Variants in ATRNL1 observed in about 807,000 individuals in gnomAD.
ATRNL1 encodes attractin-like protein 1.
A neutral mutation model predicts 182.7 loss-of-function variants in ATRNL1; 95 were observed. The observed-to-expected ratio is 0.52, with a 90% CI of 0.44 to 0.62. ATRNL1 has a LOEUF of 0.62. Among genes scored for constraint, ATRNL1 ranks in the 20% least tolerant of loss-of-function variants. The pLI, the probability that ATRNL1 is intolerant of heterozygous loss-of-function variation, is 0.00. For synonymous variants in ATRNL1, 576 were observed against 568.3 expected (o/e 1.01, Z -0.19); for missense variants, 1,471 against 1,679.5 (o/e 0.88, Z 2.17).
At chr10:115,642,008 A>G (rs1859276368) in intron 26 of ATRNL1, among the ~76,000 whole-genome samples, 1 of 152,124 alleles carries the variant, frequency 6.6e-6, no homozygotes, top group African/African-American at 2.4e-5. Context: ...AGCTGGCACT[A>G]TTATAAAATA....
At chr10:115,591,594 A>G (rs1473877605) in intron 26 of ATRNL1, among the ~76,000 whole-genome samples, 1 of 152,232 alleles carries the variant, frequency 6.6e-6, no homozygotes, top group Admixed American at 6.5e-5. Flanking sequence ...ATTTTTGTTC[A>G]GGAAGCTCTG....
At chr10:115,387,685 T>A (rs1477423177) in intron 19 of ATRNL1, among the ~76,000 whole-genome samples, 1 of 152,240 alleles carries the variant, frequency 6.6e-6, no homozygotes, top group African/African-American at 2.4e-5. Context: ...TTGAATCATG[T>A]AATATGTAAT....
intron 25 of ATRNL1, among the ~76,000 whole-genome samples, chr10:115,544,149 A>G (rs1348036834): frequency 3.9e-5 from 6 of 152,152 alleles, no homozygotes; most frequent in African/African-American, 1.2e-4. Context: ...CACAGTACCA[A>G]ATTAAAACAT....
intron 8 of ATRNL1, among the ~76,000 whole-genome samples, chr10:115,194,609 C>T (rs757122649): frequency 6.6e-6 from 1 of 151,484 alleles, no homozygotes; most frequent in Non-Finnish European, 1.5e-5. Context: ...AGTGTTTCTT[C>T]TAGGCAGCAT....
At chr10:115,336,582 G>A (rs1043826958) in intron 19 of ATRNL1, among the ~76,000 whole-genome samples, 3 of 152,250 alleles carry the variant, frequency 2.0e-5, no homozygotes, top group East Asian at 1.9e-4. Flanking sequence ...TACAATTTGT[G>A]TGTCTCTGTA....
At chr10:115,378,615 G>C (rs75876128) in intron 19 of ATRNL1, among the ~76,000 whole-genome samples, 4 of 152,110 alleles carry the variant, frequency 2.6e-5, no homozygotes, top group African/African-American at 9.7e-5. Context: ...TTGTTTCTAG[G>C]CCACAGCAGA....
At chr10:115,497,790 T>C (rs1554978816) in intron 24 of ATRNL1, among the ~76,000 whole-genome samples, 1 of 152,044 alleles carries the variant, frequency 6.6e-6, no homozygotes, top group Non-Finnish European at 1.5e-5. Flanking sequence ...CCCGAGTAGC[T>C]GTGATTAGGG....
rs190675006 is a variant in ATRNL1 at position 115,301,971 on chromosome 10, G to A, written c.2746G>A (p.Val916Ile). ...CMWCSSTKRC[V>I]DSNAYIISFP... ...GTGGTGCAGCAGTACGAAACGATGT[G>A]TTGACTCTAATGCCTATATCATCTC... The change falls in exon 17 of 29, where the codon GTT becomes ATT. Residue 916 changes from valine (V) to isoleucine (I), a missense_variant. Around this residue, in one of 3 missense-constraint regions of ATRNL1, gnomAD observed 1,031 missense variants for 1,156.0 expected, o/e 0.89. Coordinates refer to ENST00000355044, the MANE Select transcript of ATRNL1 (RefSeq NM_207303.4). The A allele has an allele frequency of 6.2e-7, 1 of 1,614,098 alleles. No individual in the cohort carries two copies. Among genetic ancestry groups the A allele is most frequent in the Admixed American group, 1.7e-5 (1 of 60,008 alleles).
chr10:115,672,886 C>CT (rs1308802114), intron 26 of ATRNL1, among the ~76,000 whole-genome samples: 1 of 152,078 alleles, frequency 6.6e-6, no homozygotes, highest in African/African-American at 2.4e-5. Flanking sequence ...ATAACTATTT[C>CT]TTCAGTGTAT....
chr10:115,325,606 C>A, intron 18 of ATRNL1, among the ~76,000 whole-genome samples: 1 of 152,146 alleles, frequency 6.6e-6, no homozygotes, highest in African/African-American at 2.4e-5. Flanking sequence ...TTTATACTTT[C>A]CACCAGATGG....
At chr10:115,685,026 T>C (rs1555045922) in intron 26 of ATRNL1, among the ~76,000 whole-genome samples, 2 of 151,758 alleles carry the variant, frequency 1.3e-5, no homozygotes, top group Non-Finnish European at 3.0e-5. Context: ...TTGGAGTACA[T>C]CAGCCATTTC....
At chr10:115,732,361 A>G (rs1223967694) in intron 27 of ATRNL1, among the ~76,000 whole-genome samples, 1 of 152,298 alleles carries the variant, frequency 6.6e-6, no homozygotes, top group East Asian at 1.9e-4. Flanking sequence ...ACAGTACCAC[A>G]CTATCTTGAT....
chr10:115,460,771 T>A (rs1554969564), intron 21 of ATRNL1, among the ~76,000 whole-genome samples: 3 of 152,182 alleles, frequency 2.0e-5, no homozygotes, highest in African/African-American at 7.2e-5. Context: ...CTTCACTGGT[T>A]TATTCTTCTC....
chr10:115,352,806 A>C lies in ATRNL1; in HGVS notation c.3175+18387A>C, dbSNP rs185567271. 4.5e-3 allele frequency among the ~76,000 whole-genome samples: 685 copies of C among 152,264 alleles called. 5 individuals are homozygous for C. The highest frequency in any genetic ancestry group is 8.0e-3 in the Non-Finnish European group (545 of 68,016). ...TCCCAGCTACTCGGGAGGCTGAGGC[A>C]GGAGAATCACTTAAACCTGGGAGGT... is the stretch of plus-strand genomic sequence containing the variant. On this transcript the variant is annotated intron_variant, in intron 19 of 28. Transcript: ENST00000355044.
At chr10:115,153,016 C>T (rs970616070) in intron 5 of ATRNL1, among the ~76,000 whole-genome samples, 26 of 152,088 alleles carry the variant, frequency 1.7e-4, no homozygotes, top group East Asian at 5.8e-4. Context: ...TGCTGGATTA[C>T]GCTTATTGAT....
chr10:115,662,432 A>T (rs10159493), intron 26 of ATRNL1, among the ~76,000 whole-genome samples: 1,771 of 152,136 alleles, frequency 0.012, 36 homozygotes, highest in African/African-American at 0.04. Context: ...AACTAGAAAT[A>T]CCATTTGACC....
In ATRNL1 at chr10:115,334,422, A is replaced by C. The variant is rs782125233; in HGVS notation, c.3175+3A>C. The stretch of plus-strand genomic sequence containing the variant: ...AACCAATGGTGGACAGTGCACAGGT[A>C]AGTTTCTTTTAAGCAAATTTTGGTG... On this transcript the variant is annotated splice_donor_region_variant and intron_variant, in intron 19 of 28. Transcript: ENST00000355044. 2.6e-5 allele frequency: 39 copies of C among 1,522,088 alleles called. No homozygotes were observed. The highest frequency in any genetic ancestry group is 1.9e-5 in the Non-Finnish European group (21 of 1,127,096). The allele number at this position is 1,522,088 out of a possible 1,614,324, so 94.3% of individuals were successfully genotyped here.
intron 28 of ATRNL1, among the ~76,000 whole-genome samples, chr10:115,932,197 C>A (rs1555121802): frequency 6.6e-6 from 1 of 152,180 alleles, no homozygotes; most frequent in Non-Finnish European, 1.5e-5. Context: ...TTCAGAGAAT[C>A]CTCTGTTAGA....
intron 26 of ATRNL1, among the ~76,000 whole-genome samples, chr10:115,723,970 C>T (rs1438009747): frequency 1.3e-5 from 2 of 152,102 alleles, no homozygotes; most frequent in Non-Finnish European, 2.9e-5. Flanking sequence ...AAATTTTCTT[C>T]ACAACAATGT....
Sources: gnomAD v4.1 joint callset for allele counts (sites outside exome capture counted in the v4.1 genomes callset) on GRCh38, gnomAD v4.1.1 for gene constraint, gnomAD v4.1.1 regional missense constraint, MANE v1.5 for transcripts, NCBI Gene and HGNC (gene_info 2026-07-23, HGNC 2026-07-21) for gene names.